CDH12: variants seen among roughly 807,000 people sequenced by gnomAD.
The protein encoded by CDH12 is cadherin-12.
CDH12 carries 41 observed loss-of-function variants against 74.1 expected under a neutral mutation model. The ratio of observed to expected loss-of-function variants is 0.55; its 90% CI spans 0.43 to 0.72. The LOEUF is 0.72. Among genes scored for constraint, CDH12 ranks in the 30% least tolerant of loss-of-function variants. The probability of loss-of-function intolerance (pLI) is 0.00; values close to 1 mark genes in which losing one functional copy is unlikely to be tolerated. For missense variants in CDH12, 945 were observed against 977.2 expected (o/e 0.97, Z 0.44); for synonymous variants, 399 against 355.0 (o/e 1.12, Z -1.39).
At chr5:22,786,779 C>T (rs947461509) in intron 1 of CDH12, among the ~76,000 whole-genome samples, 5 of 150,988 alleles carry the variant, frequency 3.3e-5, no homozygotes, top group Non-Finnish European at 7.4e-5. Context: ...AGTGTAATGG[C>T]GTGATCTCAG....
In CDH12 at chr5:22,456,244, ATGTGTG is replaced by A. The variant is rs58290508; in HGVS notation, c.-428+49020_-428+49025del. On this transcript the variant is annotated intron_variant, in intron 2 of 14. Transcript: ENST00000382254. ...TTTTTTAAATGTTTTGTCTATATATATGTGTGTGTGTGTGTGTGTGTGTGTGTGTAA... is the reference window on the plus strand; with the variant it reads ...TTTTTTAAATGTTTTGTCTATATATATGTGTGTGTGTGTGTGTGTGTGTAA... Among the ~76,000 whole-genome samples the A allele has an allele frequency of 1.1e-3, 162 of 147,374 alleles. 1 individual carries two copies. The highest frequency in any genetic ancestry group is 3.0e-3 in the East Asian group (15 of 5,016).
intron 3 of CDH12, among the ~76,000 whole-genome samples, chr5:22,353,079 AAAAC>A (rs1043637498): frequency 2.2e-4 from 33 of 152,288 alleles, no homozygotes; most frequent in East Asian, 7.7e-4. Flanking sequence ...ACAATTTGTG[AAAAC>A]AAACAAACAA....
intron 7 of CDH12, among the ~76,000 whole-genome samples, chr5:21,846,955 C>T (rs1317675598): frequency 6.6e-6 from 1 of 152,032 alleles, no homozygotes; most frequent in Non-Finnish European, 1.5e-5. Context: ...GGCAGATGAA[C>T]AATGGGTAAA....
intron 1 of CDH12, among the ~76,000 whole-genome samples, chr5:22,552,668 C>G (rs1247058727): frequency 1.3e-5 from 2 of 152,110 alleles, no homozygotes; most frequent in East Asian, 1.9e-4. Context: ...ACCTCGTGAT[C>G]TGCCCACCTC....
At chr5:22,472,531 G>A (rs185351482) in intron 2 of CDH12, among the ~76,000 whole-genome samples, 24 of 152,110 alleles carry the variant, frequency 1.6e-4, no homozygotes, top group African/African-American at 4.6e-4. Context: ...TGTTAAGCTG[G>A]ATTTCTTGTA....
chr5:22,498,034 C>A (rs1387163953), intron 2 of CDH12, among the ~76,000 whole-genome samples: 2 of 152,126 alleles, frequency 1.3e-5, no homozygotes, highest in Non-Finnish European at 2.9e-5. Flanking sequence ...TAGCTCTTAC[C>A]TTAGCGACTT....
chr5:21,812,209 A>C (rs1747785688), intron 9 of CDH12, among the ~76,000 whole-genome samples: 1 of 152,092 alleles, frequency 6.6e-6, no homozygotes, highest in Admixed American at 6.6e-5. Flanking sequence ...GCAGCTCAAA[A>C]TCTGTTAGCT....
chr5:22,184,440 C>A (rs1314981708), intron 4 of CDH12, among the ~76,000 whole-genome samples: 3 of 152,186 alleles, frequency 2.0e-5, no homozygotes, highest in African/African-American at 7.2e-5. Context: ...CCTTAAATAT[C>A]TCTTGCCTAG....
chr5:22,611,777 GAAC>G (rs1737414671), intron 1 of CDH12, among the ~76,000 whole-genome samples: 1 of 152,094 alleles, frequency 6.6e-6, no homozygotes, highest in African/African-American at 2.4e-5. Context: ...GGAAACTAGA[GAAC>G]AACAGAGTGC....
Position 22,519,413 on chromosome 5 carries a change from G to A in CDH12, c.-522-14049C>T, listed in dbSNP as rs925271555. Among the ~76,000 whole-genome samples, 48 of 147,682 alleles carry A rather than the reference G, an allele frequency of 3.3e-4. 1 individual carries two copies. The highest frequency in any genetic ancestry group is 1.1e-3 in the African/African-American group (46 of 40,210). On this transcript the variant is annotated intron_variant, in intron 1 of 14. Transcript: ENST00000382254. Reference sequence around the variant, plus strand: ...TCAACTCCAATTTACAGACAACTCCGTATCCACACTCTTTTTTTTTTTTTT... The same window carrying A: ...TCAACTCCAATTTACAGACAACTCCATATCCACACTCTTTTTTTTTTTTTT...
Position 21,754,168 on chromosome 5 carries a change from G to A in CDH12, c.1885+1423C>T, listed in dbSNP as rs1444177409. ...TATAAGGTTGTGATGGCCTTTGTGC[G>A]GGGTTGTGATTTTTACAGTCTTTTT... On this transcript the variant is annotated intron_variant, in intron 14 of 14. Transcript: ENST00000382254. 3.3e-5 allele frequency among the ~76,000 whole-genome samples: 5 copies of A among 152,210 alleles called. No individual in the cohort carries two copies. The East Asian group carries it at 9.7e-4, about 29-fold the overall frequency.
intron 6 of CDH12, among the ~76,000 whole-genome samples, chr5:21,962,891 A>T (rs1294590001): frequency 6.6e-6 from 1 of 152,124 alleles, no homozygotes; most frequent in East Asian, 1.9e-4. Flanking sequence ...TCTTATTCCC[A>T]CAGTATCTGC....
intron 2 of CDH12, among the ~76,000 whole-genome samples, chr5:22,424,002 CAAAAAAAAA>C (rs1165781089): frequency 6.4e-5 from 2 of 31,224 alleles, no homozygotes; most frequent in Non-Finnish European, 1.3e-4. Context: ...GACTCTGTCT[CAAAAAAAAA>C]AAAAAAAAAA....
intron 1 of CDH12, among the ~76,000 whole-genome samples, chr5:22,678,043 A>AT (rs1554058344): frequency 9.0e-5 from 5 of 55,750 alleles, no homozygotes; most frequent in African/African-American, 2.3e-4. Context: ...TACCATCCTC[A>AT]TGGGGGGGGG....
intron 3 of CDH12, among the ~76,000 whole-genome samples, chr5:22,284,206 A>C (rs1737039391): frequency 6.6e-6 from 1 of 152,172 alleles, no homozygotes; most frequent in South Asian, 2.1e-4. Flanking sequence ...AAAAGATGAT[A>C]CGAGAAAAAA....
intron 5 of CDH12, among the ~76,000 whole-genome samples, chr5:21,990,405 T>A (rs1757694779): frequency 6.6e-6 from 1 of 152,264 alleles, no homozygotes; most frequent in Admixed American, 6.5e-5. Flanking sequence ...TTATTACATT[T>A]GCGTTATTGT....
intron 8 of CDH12, among the ~76,000 whole-genome samples, chr5:21,821,896 A>G (rs1748389144): frequency 6.6e-6 from 1 of 151,988 alleles, no homozygotes; most frequent in African/African-American, 2.4e-5. Flanking sequence ...ATTTTGTTGT[A>G]TCAATATTTT....
intron 3 of CDH12, among the ~76,000 whole-genome samples, chr5:22,309,901 CT>C (rs1738304997): frequency 6.7e-6 from 1 of 149,450 alleles, no homozygotes; most frequent in Non-Finnish European, 1.5e-5. Context: ...ATCTTAAATC[CT>C]CTGGCTCCCA....
chr5:22,531,395 GA>G (rs150385804), intron 1 of CDH12, among the ~76,000 whole-genome samples: 7,087 of 151,916 alleles, frequency 0.047, 579 homozygotes, highest in African/African-American at 0.16. Context: ...TCTGAAAGGA[GA>G]AAAAAATCAA....
Sources: allele counts gnomAD v4.1 joint callset (sites outside exome capture counted in the v4.1 genomes callset), GRCh38; gene constraint gnomAD v4.1.1; transcripts MANE v1.5; gene names NCBI Gene and HGNC (gene_info 2026-07-23, HGNC 2026-07-21).